The following NLGN1 variants were observed in gnomAD, a reference collection of about 807,000 sequenced individuals.
NLGN1 encodes neuroligin-1.
In NLGN1, 12 loss-of-function variants were observed where a neutral mutation model predicts 65.5. The ratio of observed to expected loss-of-function variants is 0.18; its 90% CI spans 0.12 to 0.30. The LOEUF (loss-of-function observed/expected upper bound fraction) is 0.30. Ranked by LOEUF, NLGN1 falls within the 10% of genes least tolerant of loss-of-function variation. The probability of loss-of-function intolerance (pLI) is 1.00; values close to 1 mark genes in which losing one functional copy is unlikely to be tolerated. For synonymous variants in NLGN1, 350 were observed against 359.5 expected (o/e 0.97, Z 0.30); for missense variants, 750 against 1,007.1 (o/e 0.74, Z 3.46).
chr3:173,912,880 A>G (rs539424971), intron 4 of NLGN1, among the ~76,000 whole-genome samples: 51 of 152,330 alleles, frequency 3.3e-4, no homozygotes, highest in African/African-American at 1.2e-3. Context: ...ACAAGTGATT[A>G]CTGTGTTAAT....
intron 4 of NLGN1, among the ~76,000 whole-genome samples, chr3:173,901,042 A>G (rs952351010): frequency 6.6e-6 from 1 of 152,038 alleles, no homozygotes; most frequent in Non-Finnish European, 1.5e-5. Context: ...AAAAGCACCT[A>G]AGAATACTCT....
chr3:174,051,781 T>C (rs1346624927), intron 4 of NLGN1, among the ~76,000 whole-genome samples: 1 of 152,068 alleles, frequency 6.6e-6, no homozygotes, highest in Non-Finnish European at 1.5e-5. Flanking sequence ...TTCTGTGCCA[T>C]CAAAATCCTT....
intron 4 of NLGN1, among the ~76,000 whole-genome samples, chr3:173,843,283 A>G (rs1488929441): frequency 2.0e-5 from 3 of 152,196 alleles, no homozygotes; most frequent in Non-Finnish European, 4.4e-5. Context: ...AGGGGCTGCC[A>G]TGAAGACCTC....
At chr3:173,624,873 T>C (rs1754586162) in intron 3 of NLGN1, among the ~76,000 whole-genome samples, 1 of 141,712 alleles carries the variant, frequency 7.1e-6, no homozygotes, top group Non-Finnish European at 1.5e-5. Context: ...ACTCTCTCTT[T>C]ATTTATATTT....
chr3:173,703,893 C>T (rs760019882), intron 3 of NLGN1, among the ~76,000 whole-genome samples: 4 of 152,054 alleles, frequency 2.6e-5, no homozygotes, highest in Non-Finnish European at 5.9e-5. Context: ...TCATAGCTTT[C>T]TTTTATTTTA....
intron 2 of NLGN1, among the ~76,000 whole-genome samples, chr3:173,503,429 A>G (rs1731485836): frequency 6.6e-6 from 1 of 152,100 alleles, no homozygotes; most frequent in African/African-American, 2.4e-5. Flanking sequence ...TTCAAGCCAA[A>G]CACTGAACAG....
intron 4 of NLGN1, among the ~76,000 whole-genome samples, chr3:173,957,472 A>G (rs1712366579): frequency 6.6e-6 from 1 of 152,192 alleles, no homozygotes; most frequent in African/African-American, 2.4e-5. Context: ...AACATTATTT[A>G]AAGCTAGTTT....
intron 2 of NLGN1, among the ~76,000 whole-genome samples, chr3:173,520,341 G>A (rs958451102): frequency 3.3e-5 from 5 of 152,200 alleles, no homozygotes; most frequent in African/African-American, 1.2e-4. Context: ...AGGAGTAGAT[G>A]CAAAATTTTG....
intron 1 of NLGN1, among the ~76,000 whole-genome samples, chr3:173,403,265 A>G (rs1156964455): frequency 2.0e-5 from 3 of 152,122 alleles, no homozygotes; most frequent in Non-Finnish European, 2.9e-5. Flanking sequence ...TTACATGTCT[A>G]AATTATAAAC....
intron 4 of NLGN1, among the ~76,000 whole-genome samples, chr3:173,958,743 C>T (rs1712770983): frequency 6.6e-6 from 1 of 152,164 alleles, no homozygotes; most frequent in South Asian, 2.1e-4. Flanking sequence ...TGCCCTGGTG[C>T]CTGTTTGCCT....
intron 4 of NLGN1, among the ~76,000 whole-genome samples, chr3:173,979,959 G>C (rs894477391): frequency 3.9e-5 from 6 of 151,974 alleles, no homozygotes; most frequent in Non-Finnish European, 7.4e-5. Context: ...TTAATCTTCA[G>C]CTCCCAAATG....
chr3:174,148,924 T>C (rs891271394), intron 4 of NLGN1, among the ~76,000 whole-genome samples: 5 of 152,200 alleles, frequency 3.3e-5, no homozygotes, highest in African/African-American at 9.6e-5. Context: ...GTACAAGGTA[T>C]TGCAGTGTGT....
intron 2 of NLGN1, among the ~76,000 whole-genome samples, chr3:173,519,935 C>A (rs946404567): frequency 6.6e-5 from 10 of 152,058 alleles, no homozygotes; most frequent in Admixed American, 6.6e-4. Context: ...AAATTGTAGT[C>A]TGAAGTGTTG....
rs57990685 is a variant in NLGN1 at position 173,620,387 on chromosome 3, G to T, written c.493+15296G>T. On this transcript the variant is annotated intron_variant, in intron 3 of 6. Coordinates refer to ENST00000457714, the Ensembl canonical transcript of NLGN1. ...AAGGATGACTCTAAGATGTCTTACT[G>T]TCCAGTACCTTCCTCCTTGACCTGA... Among the ~76,000 whole-genome samples the T allele has an allele frequency of 4.8e-3, 730 of 152,254 alleles. 7 individuals are homozygous for T. The highest frequency in any genetic ancestry group is 0.017 in the African/African-American group (700 of 41,562).
chr3:173,977,212 T>A (rs1717693856), intron 4 of NLGN1, among the ~76,000 whole-genome samples: 1 of 151,954 alleles, frequency 6.6e-6, no homozygotes, highest in Non-Finnish European at 1.5e-5. Flanking sequence ...ATATTTGACA[T>A]TGCCAAGTAG....
rs564324006 is a variant in NLGN1 at position 173,800,042 on chromosome 3, G to A, written c.494-7638G>A. Among the ~76,000 whole-genome samples the A allele has an allele frequency of 5.6e-5, 8 of 143,130 alleles. No homozygotes were observed. In the East Asian group the frequency reaches 1.4e-3, roughly 25 times the overall value. 93.9% of individuals were successfully genotyped at this position (143,130 alleles called of 152,430 possible). A position where few individuals can be genotyped will look rare whatever the true frequency, so the allele number is the denominator to read the frequency against. Reference sequence around the variant, plus strand: ...TTTTAAAAGTCTTTGCTCATGACTTGATTTTCAAGCCATAATGTATTTTTT... The same window carrying A: ...TTTTAAAAGTCTTTGCTCATGACTTAATTTTCAAGCCATAATGTATTTTTT... On this transcript the variant is annotated intron_variant, in intron 3 of 6. Transcript: ENST00000457714.
At chr3:174,187,830 T>C (rs144968282) in intron 4 of NLGN1, among the ~76,000 whole-genome samples, 12 of 152,090 alleles carry the variant, frequency 7.9e-5, no homozygotes, top group Non-Finnish European at 1.8e-4. Context: ...ACCTACAGCA[T>C]GTTTTTCTCA....
At chr3:174,103,732 T>C (rs1405996667) in intron 4 of NLGN1, among the ~76,000 whole-genome samples, 2 of 152,062 alleles carry the variant, frequency 1.3e-5, no homozygotes, top group African/African-American at 4.8e-5. Context: ...ACACCTAAAT[T>C]CCTCACCATC....
intron 4 of NLGN1, among the ~76,000 whole-genome samples, chr3:173,831,920 T>C (rs1287942341): frequency 6.6e-6 from 1 of 151,578 alleles, no homozygotes; most frequent in East Asian, 1.9e-4. Flanking sequence ...ATCTTTATAA[T>C]TATTATTTTT....
Sources: gnomAD v4.1 joint callset for allele counts (sites outside exome capture counted in the v4.1 genomes callset) on GRCh38, gnomAD v4.1.1 for gene constraint, MANE v1.5 for transcripts, NCBI Gene and HGNC (gene_info 2026-07-23, HGNC 2026-07-21) for gene names.